The following VPS41 variants were observed in gnomAD, a reference collection of about 807,000 sequenced individuals.
VPS41 encodes the protein VPS41 subunit of HOPS complex, also known as vacuolar protein sorting-associated protein 41 homolog.
Under a neutral mutation model 130.9 loss-of-function variants are expected in VPS41, and 85 were observed. The observed-to-expected ratio is 0.65, with a 90% CI of 0.55 to 0.78. The LOEUF is 0.78. Ranked by LOEUF, VPS41 falls within the 30% of genes least tolerant of loss-of-function variation. The pLI, the probability that VPS41 is intolerant of heterozygous loss-of-function variation, is 0.00. For missense variants in VPS41, 874 were observed against 1,018.7 expected (o/e 0.86, Z 1.93); for synonymous variants, 335 against 332.9 (o/e 1.01, Z -0.07).
intron 4 of VPS41, among the ~76,000 whole-genome samples, chr7:38,840,114 T>A (rs1350307664): frequency 6.6e-6 from 1 of 152,214 alleles, no homozygotes; most frequent in Non-Finnish European, 1.5e-5. Flanking sequence ...AAACGGGGAA[T>A]TCTTTCAGCA....
intron 3 of VPS41, among the ~76,000 whole-genome samples, 156 bp from the exon 4 acceptor site, chr7:38,862,778 TC>T (rs1786147339): frequency 6.6e-6 from 1 of 152,164 alleles, no homozygotes. Flanking sequence ...GTTTCCAGCT[TC>T]TGGGAAATAA....
rs141900549 is a variant in VPS41, at chr7:38,780,641, C to T, written c.785-3865G>A. On this transcript the variant is annotated intron_variant, in intron 10 of 28. Transcript: ENST00000310301. ...GGCTAGAGGCCCCTTGATTAGCTGC[C>T]CCATGGAAATATAATGTGGGCCAAA... 1.6e-4 allele frequency among the ~76,000 whole-genome samples: 24 copies of T among 152,170 alleles called. 1 individual carries two copies. The highest frequency in any genetic ancestry group is 5.5e-4 in the African/African-American group (23 of 41,520).
rs147995853 is a variant in VPS41, at chr7:38,760,944, C to T, written c.1423-2463G>A. Among the ~76,000 whole-genome samples the T allele has an allele frequency of 2.9e-3, 437 of 152,130 alleles. 2 individuals carry two copies. The highest frequency in any genetic ancestry group is 0.01 in the African/African-American group (425 of 41,502). On this transcript the variant is annotated intron_variant, in intron 17 of 28. Coordinates refer to ENST00000310301, the MANE Select transcript of VPS41 (RefSeq NM_014396.4). ...ATATAGTTTTCATTAAAGTTCCACC[C>T]GATTTCTACCAAAGTAGCCCCTGGA...
chr7:38,771,193 C>A lies in VPS41; in HGVS notation c.1185+5G>T. 6.3e-7 allele frequency: 1 copy of A among 1,587,040 alleles called. No homozygotes were observed. The highest frequency in any genetic ancestry group is 8.6e-7 in the Non-Finnish European group (1 of 1,161,444). ...TATGTTTCAAATAACAAATTGCACA[C>A]TTACCAGAATCTTATGTCTTTTAAT... On this transcript the variant is annotated splice_donor_5th_base_variant and intron_variant, in intron 14 of 28. Coordinates refer to ENST00000310301, the MANE Select transcript of VPS41 (RefSeq NM_014396.4).
intron 25 of VPS41, among the ~76,000 whole-genome samples, chr7:38,739,986 T>C (rs908875974): frequency 1.3e-5 from 2 of 152,198 alleles, no homozygotes; most frequent in Admixed American, 1.3e-4. Context: ...ATTTATTTAT[T>C]AAAAATGAAT....
At chr7:38,901,737 C>T (rs1303970944) in intron 1 of VPS41, among the ~76,000 whole-genome samples, 1 of 152,086 alleles carries the variant, frequency 6.6e-6, no homozygotes, top group African/African-American at 2.4e-5. Context: ...CTGAATCATA[C>T]ACTTAAAAAT....
At chr7:38,900,898 A>C (rs1787126011) in intron 1 of VPS41, among the ~76,000 whole-genome samples, 1 of 152,250 alleles carries the variant, frequency 6.6e-6, no homozygotes, top group African/African-American at 2.4e-5. Context: ...TCATTCATTC[A>C]TCAAGCCCTC....
intron 2 of VPS41, among the ~76,000 whole-genome samples, chr7:38,895,150 C>T (rs949562120): frequency 6.6e-6 from 1 of 152,084 alleles, no homozygotes; most frequent in Non-Finnish European, 1.5e-5. Context: ...GGCAAAACCC[C>T]ATCTCTACTA....
At chr7:38,735,841 T>C in intron 25 of VPS41, among the ~76,000 whole-genome samples, 1 of 152,312 alleles carries the variant, frequency 6.6e-6, no homozygotes, top group African/African-American at 2.4e-5. Flanking sequence ...TCAGTGTTGC[T>C]GACTTCATCT....
At chr7:38,871,648 C>T (rs2116346927) in intron 2 of VPS41, among the ~76,000 whole-genome samples, 1 of 152,252 alleles carries the variant, frequency 6.6e-6, no homozygotes, top group East Asian at 1.9e-4. Context: ...CTATAACACA[C>T]TCCAAAATCT....
chr7:38,767,105 A>C (rs1169006416), intron 15 of VPS41, among the ~76,000 whole-genome samples: 1 of 151,972 alleles, frequency 6.6e-6, no homozygotes, highest in African/African-American at 2.4e-5. Context: ...AAATGTTGAC[A>C]CTCTATTTGA....
intron 27 of VPS41, 124 bp downstream of exon 27, chr7:38,728,418 C>T: frequency 1.8e-6 from 2 of 1,090,300 alleles, no homozygotes; most frequent in Non-Finnish European, 2.8e-6. Context: ...CACAACACTT[C>T]TCTCCACTGG....
At chr7:38,745,708 C>G in intron 22 of VPS41, 95 bp from the exon 23 acceptor site, 1 of 927,916 alleles carries the variant, frequency 1.1e-6, no homozygotes, top group Non-Finnish European at 1.7e-6. Flanking sequence ...AAGAATTTTT[C>G]CACAGCTTCT....
intron 2 of VPS41, among the ~76,000 whole-genome samples, chr7:38,872,278 A>T (rs1365419892): frequency 6.6e-6 from 1 of 152,236 alleles, no homozygotes; most frequent in Non-Finnish European, 1.5e-5. Context: ...TCCACGAAGC[A>T]AGAGTGATCC....
chr7:38,793,099 T>C (rs946379196), intron 9 of VPS41, among the ~76,000 whole-genome samples: 3 of 152,222 alleles, frequency 2.0e-5, no homozygotes, highest in African/African-American at 7.2e-5. Context: ...TTTCCTATTA[T>C]CCTGTTAAAA....
chr7:38,763,999 A>T (rs1428098811), intron 16 of VPS41, among the ~76,000 whole-genome samples: 1 of 152,212 alleles, frequency 6.6e-6, no homozygotes. Context: ...AGATATTTTC[A>T]GTACTGTGTT....
At chr7:38,844,250 A>G (rs960648962) in intron 4 of VPS41, among the ~76,000 whole-genome samples, 8 of 152,260 alleles carry the variant, frequency 5.3e-5, no homozygotes, top group African/African-American at 1.7e-4. Flanking sequence ...TGCTTCAAGT[A>G]GCTTTATGGT....
chr7:38,874,783 C>T (rs1192089683), intron 2 of VPS41, among the ~76,000 whole-genome samples: 2 of 152,108 alleles, frequency 1.3e-5, no homozygotes, highest in Admixed American at 6.6e-5. Flanking sequence ...CTATAAAATA[C>T]AGGTTTTCTT....
chr7:38,758,631 G>A lies in VPS41; in HGVS notation c.1423-150C>T, dbSNP rs935756484. On this transcript the variant is annotated intron_variant, in intron 17 of 28. Transcript: ENST00000310301. The stretch of plus-strand genomic sequence containing the variant: ...TCTAAAATGATGTGTCTTCTTGTAT[G>A]CTAATGAGCTGACTGGTGGCTAGCA... 1.4e-5 allele frequency: 11 copies of A among 806,488 alleles called. No homozygotes were observed. The East Asian group carries it at 1.9e-4, about 14-fold the overall frequency. The allele number at this position is 806,488 out of a possible 1,614,324, so 50.0% of individuals were successfully genotyped here.
Sources: allele counts gnomAD v4.1 joint callset (sites outside exome capture counted in the v4.1 genomes callset), GRCh38; gene constraint gnomAD v4.1.1; transcripts MANE v1.5; gene names NCBI Gene and HGNC (gene_info 2026-07-23, HGNC 2026-07-21).